Variants in LHFPL2 observed in about 807,000 individuals in gnomAD.
The protein encoded by LHFPL2 is LHFPL tetraspan subfamily member 2 protein.
LHFPL2 carries 7 observed loss-of-function variants against 17.5 expected under a neutral mutation model. The observed-to-expected ratio is 0.40, with a 90% CI of 0.23 to 0.75. LHFPL2 has a LOEUF of 0.75. Among genes scored for constraint, LHFPL2 ranks in the 30% least tolerant of loss-of-function variants. The pLI, the probability that LHFPL2 is intolerant of heterozygous loss-of-function variation, is 0.37. For synonymous variants in LHFPL2, 134 were observed against 116.2 expected, an observed-to-expected ratio of 1.15 and a Z score of -0.99; for missense variants, 241 against 294.8, an observed-to-expected ratio of 0.82 and a Z score of 1.34.
rs1031730005 is a variant in LHFPL2 at position 78,488,841 on chromosome 5, CTG to C, written c.*54_*55del. ...TCTCCACTTGACTCAAATGATGAAA[CTG>C]TGGACTGTTTCACAAGATTACTCAA... On this transcript the variant is annotated 3_prime_UTR_variant, in exon 5 of 5. Transcript: ENST00000380345. 1.1e-5 allele frequency: 18 copies of C among 1,587,744 alleles called. No individual in the cohort carries two copies. In the South Asian group the frequency reaches 1.2e-4, roughly 11 times the overall value.
intron 1 of LHFPL2, among the ~76,000 whole-genome samples, chr5:78,644,067 GAAAAT>G (rs1270500624): frequency 6.6e-6 from 1 of 152,008 alleles, no homozygotes; most frequent in Admixed American, 6.6e-5. Flanking sequence ...ATCTCAAAAG[GAAAAT>G]AAAATAAAAT....
At chr5:78,534,240 G>A (rs971510401) in intron 3 of LHFPL2, among the ~76,000 whole-genome samples, 2 of 152,194 alleles carry the variant, frequency 1.3e-5, no homozygotes, top group East Asian at 1.9e-4. Context: ...CAGGAGAGGC[G>A]GCCCCTGGGC....
intron 2 of LHFPL2, among the ~76,000 whole-genome samples, chr5:78,601,183 G>A (rs189340613): frequency 2.5e-4 from 38 of 152,322 alleles, no homozygotes; most frequent in African/African-American, 8.9e-4. Context: ...GCCTAGTGAT[G>A]AAAGGAGAAA....
At chr5:78,611,335 C>G (rs1400459988) in intron 2 of LHFPL2, among the ~76,000 whole-genome samples, 2 of 152,230 alleles carry the variant, frequency 1.3e-5, no homozygotes, top group Non-Finnish European at 2.9e-5. Context: ...AAGGAGAACT[C>G]CACCTGGGCT....
At chr5:78,600,825 AG>A (rs2112472720) in intron 2 of LHFPL2, among the ~76,000 whole-genome samples, 1 of 152,332 alleles carries the variant, frequency 6.6e-6, no homozygotes, top group Admixed American at 6.5e-5. Flanking sequence ...GTATGAAGGA[AG>A]TTGGTAACTA....
At chr5:78,611,245 G>A (rs980369735) in intron 2 of LHFPL2, among the ~76,000 whole-genome samples, 1 of 152,242 alleles carries the variant, frequency 6.6e-6, no homozygotes, top group Admixed American at 6.5e-5. Flanking sequence ...ACAGGCTGCT[G>A]TGAACTGTGG....
chr5:78,613,967 G>A (rs887516788), intron 2 of LHFPL2, among the ~76,000 whole-genome samples: 3 of 152,118 alleles, frequency 2.0e-5, no homozygotes, highest in Non-Finnish European at 4.4e-5. Context: ...CATACTCCCT[G>A]GGGCTTAGGA....
intron 3 of LHFPL2, among the ~76,000 whole-genome samples, chr5:78,518,017 A>G (rs564570648): frequency 9.2e-5 from 14 of 152,238 alleles, no homozygotes; most frequent in Non-Finnish European, 2.1e-4. Context: ...GTAGACATTA[A>G]AATCTGATGT....
At chr5:78,522,858 C>T (rs1195481799) in intron 3 of LHFPL2, among the ~76,000 whole-genome samples, 1 of 152,088 alleles carries the variant, frequency 6.6e-6, no homozygotes, top group Admixed American at 6.5e-5. Context: ...CTTGAGAAAA[C>T]CAAGATAAGG....
chr5:78,612,175 A>G (rs1373840714), intron 2 of LHFPL2, among the ~76,000 whole-genome samples: 1 of 152,198 alleles, frequency 6.6e-6, no homozygotes, highest in Non-Finnish European at 1.5e-5. Flanking sequence ...ACTATCTCCT[A>G]CTTACTATTC....
chr5:78,547,070 C>T (rs1035157418), intron 3 of LHFPL2, among the ~76,000 whole-genome samples: 1 of 151,904 alleles, frequency 6.6e-6, no homozygotes, highest in East Asian at 1.9e-4. Context: ...CCATCACCTC[C>T]AGGTAGCTCC....
chr5:78,580,373 G>T (rs1023163295), intron 2 of LHFPL2, among the ~76,000 whole-genome samples: 1 of 152,050 alleles, frequency 6.6e-6, no homozygotes, highest in South Asian at 2.1e-4. Context: ...GTCAATTCTG[G>T]CTTTTGTTGC....
intron 2 of LHFPL2, among the ~76,000 whole-genome samples, chr5:78,613,741 A>T (rs1435870540): frequency 6.6e-6 from 1 of 152,204 alleles, no homozygotes; most frequent in Non-Finnish European, 1.5e-5. Flanking sequence ...CAGGATGATG[A>T]TTTAAAACAG....
At chr5:78,598,139 T>G (rs1165703552) in intron 2 of LHFPL2, among the ~76,000 whole-genome samples, 1 of 152,214 alleles carries the variant, frequency 6.6e-6, no homozygotes, top group Non-Finnish European at 1.5e-5. Flanking sequence ...CACAGCAAAC[T>G]CACAGGAGCA....
intron 2 of LHFPL2, among the ~76,000 whole-genome samples, chr5:78,628,676 C>T (rs538359127): frequency 6.6e-6 from 1 of 152,206 alleles, no homozygotes; most frequent in African/African-American, 2.4e-5. Flanking sequence ...GCTGGTCACC[C>T]CCATAAAATG....
At chr5:78,583,626 C>G (rs1285368021) in intron 2 of LHFPL2, among the ~76,000 whole-genome samples, 1 of 152,090 alleles carries the variant, frequency 6.6e-6, no homozygotes, top group East Asian at 1.9e-4. Flanking sequence ...TCTCTTCTGG[C>G]TTGTAGGGTT....
intron 3 of LHFPL2, among the ~76,000 whole-genome samples, chr5:78,535,397 G>A: frequency 6.6e-6 from 1 of 152,168 alleles, no homozygotes; most frequent in South Asian, 2.1e-4. Flanking sequence ...CCTGCTGCCT[G>A]CCTCATCTCT....
chr5:78,552,103 C>T (rs1303267712), intron 3 of LHFPL2, among the ~76,000 whole-genome samples: 1 of 151,628 alleles, frequency 6.6e-6, no homozygotes, highest in Non-Finnish European at 1.5e-5. Flanking sequence ...TATGCCTTTC[C>T]TCCTATTAAT....
chr5:78,538,487 G>A (rs1276189360), intron 3 of LHFPL2, among the ~76,000 whole-genome samples: 1 of 152,200 alleles, frequency 6.6e-6, no homozygotes, highest in African/African-American at 2.4e-5. Flanking sequence ...GAGGTAAGAA[G>A]TGGCTGCTCT....
Sources: allele counts gnomAD v4.1 joint callset (sites outside exome capture counted in the v4.1 genomes callset), GRCh38; gene constraint gnomAD v4.1.1; transcripts MANE v1.5; gene names NCBI Gene and HGNC (gene_info 2026-07-23, HGNC 2026-07-21).